HS3ST5: variants seen among roughly 807,000 people sequenced by gnomAD.
HS3ST5 encodes heparan sulfate-glucosamine 3-sulfotransferase 5.
A neutral mutation model predicts 25.4 loss-of-function variants in HS3ST5; 10 were observed. That is an observed-to-expected ratio of 0.39 (90% CI 0.24 to 0.67). The LOEUF is 0.67. Among genes scored for constraint, HS3ST5 ranks in the 30% least tolerant of loss-of-function variants. The probability of loss-of-function intolerance (pLI) is 0.44; values close to 1 mark genes in which losing one functional copy is unlikely to be tolerated. For missense variants in HS3ST5, 324 were observed against 420.7 expected (o/e 0.77, Z 2.01); for synonymous variants, 170 against 162.4 (o/e 1.05, Z -0.36).
chr6:114,298,540 T>C (rs1182810031), intron 1 of HS3ST5, among the ~76,000 whole-genome samples: 2 of 152,162 alleles, frequency 1.3e-5, no homozygotes, highest in Non-Finnish European at 2.9e-5. Context: ...CAAAACATCA[T>C]ATAACTTGCC....
intron 1 of HS3ST5, chr6:114,340,385 TA>T (rs1185196082): frequency 6.6e-6 from 1 of 152,246 alleles, no homozygotes; most frequent in Non-Finnish European, 1.5e-5. Flanking sequence ...AGAGTGTTTC[TA>T]AAAGGCCAGA....
intron 1 of HS3ST5, among the ~76,000 whole-genome samples, chr6:114,260,175 G>A (rs180847524): frequency 6.8e-6 from 1 of 146,832 alleles, no homozygotes; most frequent in Admixed American, 6.8e-5. Context: ...AATAAAAACT[G>A]CAAAATTGAG....
chr6:114,269,554 C>G (rs970003123), intron 1 of HS3ST5, among the ~76,000 whole-genome samples: 2 of 152,174 alleles, frequency 1.3e-5, no homozygotes, highest in South Asian at 2.1e-4. Context: ...AAACAACAGC[C>G]ATTTCCCCCT....
At chr6:114,137,680 C>A (rs1777696762) in intron 3 of HS3ST5, among the ~76,000 whole-genome samples, 1 of 152,140 alleles carries the variant, frequency 6.6e-6, no homozygotes, top group African/African-American at 2.4e-5. Context: ...GTGCCAAGTG[C>A]TAACAAGGCA....
chr6:114,321,420 C>G (rs1359986183), intron 1 of HS3ST5, among the ~76,000 whole-genome samples: 6 of 152,016 alleles, frequency 3.9e-5, no homozygotes, highest in Admixed American at 3.3e-4. Flanking sequence ...GGCTCTGCCT[C>G]TCATTCATTA....
At chr6:114,200,926 CATATAAG>C (rs1446609938) in intron 2 of HS3ST5, among the ~76,000 whole-genome samples, 1 of 152,142 alleles carries the variant, frequency 6.6e-6, no homozygotes, top group East Asian at 1.9e-4. Flanking sequence ...CTATTTTGTA[CATATAAG>C]ATATAACTTA....
At chr6:114,242,775 C>CTTG (rs1402149225) in intron 1 of HS3ST5, among the ~76,000 whole-genome samples, 7 of 151,740 alleles carry the variant, frequency 4.6e-5, no homozygotes, top group African/African-American at 1.7e-4. Flanking sequence ...ATGGCGTGAA[C>CTTG]CCGGGAAGCG....
intron 3 of HS3ST5, among the ~76,000 whole-genome samples, chr6:114,131,488 G>C (rs1161009616): frequency 6.6e-6 from 1 of 152,144 alleles, no homozygotes; most frequent in Non-Finnish European, 1.5e-5. Flanking sequence ...GATCTTAAAA[G>C]ATGTCTTGTA....
intron 2 of HS3ST5, among the ~76,000 whole-genome samples, chr6:114,200,216 T>TAAAAAC (rs528005213): frequency 5.1e-4 from 78 of 152,172 alleles, no homozygotes; most frequent in African/African-American, 1.8e-3. Flanking sequence ...AAACTTCAAC[T>TAAAAAC]AAAAACAAAA....
At chr6:114,290,158 T>C (rs1774508013) in intron 1 of HS3ST5, among the ~76,000 whole-genome samples, 1 of 152,152 alleles carries the variant, frequency 6.6e-6, no homozygotes, top group South Asian at 2.1e-4. Context: ...TTTTTTGTGG[T>C]TGTTGTTGTT....
chr6:114,216,275 T>C (rs1052134647), intron 2 of HS3ST5, among the ~76,000 whole-genome samples: 13 of 152,264 alleles, frequency 8.5e-5, no homozygotes, highest in Admixed American at 2.6e-4. Flanking sequence ...GCCCTGTGAC[T>C]TGTTAACTTG....
At chr6:114,135,056 T>C (rs299411) in intron 3 of HS3ST5, among the ~76,000 whole-genome samples, 1,552 of 152,250 alleles carry the variant, frequency 0.01, 32 homozygotes, top group African/African-American at 0.035. Context: ...GACTTCTAGA[T>C]TGGTGAACCA....
Position 114,250,348 on chromosome 6 carries a change from G to A in HS3ST5, c.-338-21570C>T, listed in dbSNP as rs1454785766. On this transcript the variant is annotated intron_variant, in intron 1 of 4. Transcript: ENST00000312719. ...TGTAATCCCAGCACTTTGGGAGGTC[G>A]AGACGGGCAGATCACAAGGTCAGAA... 3.9e-5 allele frequency among the ~76,000 whole-genome samples: 6 copies of A among 152,300 alleles called. No homozygotes were observed. In the South Asian group the frequency reaches 1.0e-3, roughly 26 times the overall value.
At chr6:114,236,877 C>A (rs1771881674) in intron 1 of HS3ST5, among the ~76,000 whole-genome samples, 1 of 152,096 alleles carries the variant, frequency 6.6e-6, no homozygotes, top group African/African-American at 2.4e-5. Flanking sequence ...TATAAACATA[C>A]AGAAAAGATA....
intron 2 of HS3ST5, among the ~76,000 whole-genome samples, chr6:114,189,188 T>C (rs956932254): frequency 3.3e-5 from 5 of 152,152 alleles, no homozygotes; most frequent in African/African-American, 9.7e-5. Context: ...CCATTTAGTA[T>C]AGATTTAGGT....
In HS3ST5 at chr6:114,320,910, C is replaced by CTA. The variant is rs1200369640; in HGVS notation, c.-339+21284_-339+21285insTA. Among the ~76,000 whole-genome samples the CTA allele has an allele frequency of 7.1e-4, 77 of 108,568 alleles. 1 individual carries two copies. Among genetic ancestry groups the CTA allele is most frequent in the Non-Finnish European group, 1.1e-3 (56 of 52,712 alleles). 71.2% of individuals were successfully genotyped at this position (108,568 alleles called of 152,430 possible). A position where few individuals can be genotyped will look rare whatever the true frequency, so the allele number is the denominator to read the frequency against. On this transcript the variant is annotated intron_variant, in intron 1 of 4. Coordinates refer to ENST00000312719, the MANE Select transcript of HS3ST5 (RefSeq NM_153612.4). Reference sequence around the variant, plus strand: ...TAGGAAGTGCTCTCTCTCTCTCTCTCTCTCTATATATATATATATATACAT... The same window carrying CTA: ...TAGGAAGTGCTCTCTCTCTCTCTCTCTATCTCTATATATATATATATATACAT...
chr6:114,303,462 A>ATT (rs11324031), intron 1 of HS3ST5, among the ~76,000 whole-genome samples: 1 of 148,994 alleles, frequency 6.7e-6, no homozygotes, highest in Non-Finnish European at 1.5e-5. Context: ...CTGTGTTTGC[A>ATT]TTTTTTTTTT....
rs597233 is a variant in HS3ST5 at position 114,101,118 on chromosome 6, C to T, written c.-32-38241G>A. On this transcript the variant is annotated intron_variant, in intron 3 of 4. Transcript: ENST00000312719. ...AGGCTGGCAATCTGTGCAGTATTGG[C>T]AGTCTCGATTAAATGTAATATCTGG... Among the ~76,000 whole-genome samples the T allele has an allele frequency of 9.9e-5, 15 of 152,236 alleles. No homozygotes were observed. In the South Asian group the frequency reaches 2.5e-3, roughly 25 times the overall value.
chr6:114,086,014 T>C (rs1774796993), intron 3 of HS3ST5, among the ~76,000 whole-genome samples: 1 of 150,986 alleles, frequency 6.6e-6, no homozygotes, highest in African/African-American at 2.4e-5. Context: ...GATTTTATTT[T>C]GTTTTTGTTT....
Sources: gnomAD v4.1 joint callset for allele counts (sites outside exome capture counted in the v4.1 genomes callset) on GRCh38, gnomAD v4.1.1 for gene constraint, MANE v1.5 for transcripts, NCBI Gene and HGNC (gene_info 2026-07-23, HGNC 2026-07-21) for gene names.